Variants in CYB5RL observed in about 807,000 individuals in gnomAD.
CYB5RL encodes the protein cytochrome b5 reductase like.
Under a neutral mutation model 37.5 loss-of-function variants are expected in CYB5RL, and 38 were observed. That is an observed-to-expected ratio of 1.01 (90% CI 0.78 to 1.33). The LOEUF (loss-of-function observed/expected upper bound fraction) is 1.33, where lower values mean the gene tolerates loss of function less well. Among genes scored for constraint, CYB5RL ranks in the 40% most tolerant of loss-of-function variants. The pLI, the probability that CYB5RL is intolerant of heterozygous loss-of-function variation, is 0.00. For synonymous variants in CYB5RL, 141 were observed against 151.9 expected (o/e 0.93, Z 0.53); for missense variants, 388 against 394.4 (o/e 0.98, Z 0.14).
intron 1 of CYB5RL, among the ~76,000 whole-genome samples, chr1:54,197,621 A>C (rs1362509046): frequency 6.6e-6 from 1 of 152,114 alleles, no homozygotes; most frequent in Non-Finnish European, 1.5e-5. Flanking sequence ...CTACGTCTAC[A>C]TGTAGCATAT....
intron 1 of CYB5RL, among the ~76,000 whole-genome samples, chr1:54,197,771 C>T (rs555747611): frequency 1.6e-4 from 25 of 152,106 alleles, no homozygotes; most frequent in Non-Finnish European, 3.2e-4. Flanking sequence ...CCTGTAATCC[C>T]AGCACTTTGG....
At chr1:54,184,909 G>A (rs1223523172) in intron 5 of CYB5RL, 1 of 152,210 alleles carries the variant, frequency 6.6e-6, no homozygotes, top group East Asian at 1.9e-4. Flanking sequence ...CCATCTCCTG[G>A]CTGGATGAAA....
intron 6 of CYB5RL, chr1:54,180,000 C>T (rs909476038): frequency 4.4e-6 from 2 of 453,456 alleles, no homozygotes; most frequent in Non-Finnish European, 8.8e-6. Context: ...AAACCTAGTA[C>T]TTTGGGAGGC....
At chr1:54,190,546 T>A (rs922845989) in intron 4 of CYB5RL, 1 of 672,964 alleles carries the variant, frequency 1.5e-6, no homozygotes, top group Non-Finnish European at 2.5e-6. Context: ...TAAATGCTAT[T>A]AAAGTGATTG....
At chr1:54,176,486 T>C (rs1189793051) in intron 7 of CYB5RL, among the ~76,000 whole-genome samples, 1 of 152,174 alleles carries the variant, frequency 6.6e-6, no homozygotes. Flanking sequence ...GAGTTATGAT[T>C]GCACCACTGC....
chr1:54,182,819 C>T (rs1413248258), intron 6 of CYB5RL, among the ~76,000 whole-genome samples: 3 of 152,222 alleles, frequency 2.0e-5, no homozygotes, highest in Non-Finnish European at 4.4e-5. Context: ...TCCCAAAGTG[C>T]TGGGATTACA....
Position 54,191,024 on chromosome 1 carries a change from CT to C in CYB5RL, c.199-129del, listed in dbSNP as rs1198723736. 3.1e-5 allele frequency: 38 copies of C among 1,226,704 alleles called. No homozygotes were observed. In the East Asian group the frequency reaches 9.2e-4, roughly 30 times the overall value. 76.0% of individuals were successfully genotyped at this position (1,226,704 alleles called of 1,614,324 possible). ...CGGGAAGTTTCCTGTAAACTGGACA[CT>C]AGCCTCACCTTACTTCCCTTTCAAA... On this transcript the variant is annotated intron_variant, in intron 3 of 7. Coordinates refer to ENST00000534324, the MANE Select transcript of CYB5RL (RefSeq NM_001031672.4).
intron 5 of CYB5RL, chr1:54,186,432 G>A (rs1251418425): frequency 6.6e-6 from 1 of 152,194 alleles, no homozygotes; most frequent in Non-Finnish European, 1.5e-5. Context: ...ACTTGGGAGG[G>A]TCAAACGATA....
Position 54,184,199 on chromosome 1 carries a change from G to C in CYB5RL, c.502C>G (p.Arg168Gly), listed in dbSNP as rs903416654. ...TAGAAGAAATCTCCGAAAGGTCCTC[G>C]CCAGAAAGCTGTGTCTCCTACTCTC... is the stretch of plus-strand genomic sequence containing the variant. ...SWRVGDTAFW[R>G]GPFGDFFYKP... The change falls in exon 6 of 8, where the codon CGA (arginine) becomes GGA (glycine). Residue 168 changes from arginine to glycine, a missense_variant. Coordinates refer to ENST00000534324, the MANE Select transcript of CYB5RL (RefSeq NM_001031672.4). 1 of 1,613,498 alleles carries C rather than the reference G, an allele frequency of 6.2e-7. No homozygotes were observed. Among genetic ancestry groups the C allele is most frequent in the African/African-American group, 1.3e-5 (1 of 74,900 alleles).
intron 6 of CYB5RL, 181 bp downstream of exon 6, chr1:54,183,980 T>C (rs751350654): frequency 1.1e-5 from 4 of 376,690 alleles, no homozygotes; most frequent in African/African-American, 4.3e-5. Context: ...CGTCTCTAAA[T>C]AAATAAATAA....
rs1659868157 is a variant in CYB5RL at position 54,170,557 on chromosome 1, G to A, written c.*4062C>T. On this transcript the variant is annotated 3_prime_UTR_variant, in exon 8 of 8. Transcript: ENST00000534324. ...AGCCTCCCGAGTAGCTGGGACTATA[G>A]GCGCATGCCACGCCTGGCTAATTTT... 6.4e-6 allele frequency: 1 copy of A among 156,674 alleles called. No homozygotes were observed. The highest frequency in any genetic ancestry group is 6.1e-5 in the Admixed American group (1 of 16,522). The allele number at this position is 156,674 out of a possible 1,614,324, so 9.7% of individuals were successfully genotyped here. A position where few individuals can be genotyped will look rare whatever the true frequency, so the allele number is the denominator to read the frequency against.
At chr1:54,196,963 T>C (rs1303403200) in intron 1 of CYB5RL, among the ~76,000 whole-genome samples, 2 of 151,990 alleles carry the variant, frequency 1.3e-5, no homozygotes, top group Non-Finnish European at 2.9e-5. Flanking sequence ...ACTGACTAGA[T>C]GTGAGGGAGT....
rs370499414 is a variant in CYB5RL at position 54,195,495 on chromosome 1, T to C, written c.122A>G (p.Tyr41Cys). Residue 41 changes from tyrosine to cysteine, a missense_variant, in exon 3 of 8, where the codon TAT becomes TGT. Physicochemically the swap from Tyr to Cys is radical, Grantham distance 194. Coordinates refer to ENST00000534324, the MANE Select transcript of CYB5RL (RefSeq NM_001031672.4). The part of the protein sequence containing the change: ...SGCSPCVFDL[Y>C]HRDLARWEAA... The stretch of plus-strand genomic sequence containing the variant: ...CTCCCACCTTGCCAGATCTCGGTGA[T>C]AGAGGTCAAACACACAGGGTGAGCA... 7.3e-5 allele frequency: 117 copies of C among 1,613,272 alleles called. No homozygotes were observed. The highest frequency in any genetic ancestry group is 5.1e-4 in the East Asian group (23 of 44,894).
intron 3 of CYB5RL, 129 bp downstream of exon 3, chr1:54,195,290 T>C (rs1180213003): frequency 5.3e-6 from 6 of 1,124,572 alleles, no homozygotes; most frequent in African/African-American, 1.5e-5. Context: ...CTAGATCTGT[T>C]TGCTTCTGTT....
In CYB5RL at chr1:54,174,709, T is replaced by C. The variant is rs1351682614; in HGVS notation, c.858A>G (p.Ala286=). Residue 286 remains alanine, a synonymous_variant, in exon 8 of 8, where the codon GCA becomes GCG. Transcript: ENST00000534324. The part of the protein sequence containing the change: ...LVSCCRRKPF[A]LVCGSAEFTK... ...TGAACTCAGCCGAGCCACAGACCAG[T>C]GCGAATGGCTTTCTCCGACAGCAGC... 1 of 1,613,818 alleles carries C rather than the reference T, an allele frequency of 6.2e-7. No individual in the cohort carries two copies. The highest frequency in any genetic ancestry group is 1.3e-5 in the African/African-American group (1 of 74,924).
chr1:54,175,811 T>A (rs1383642054), intron 7 of CYB5RL, among the ~76,000 whole-genome samples: 2 of 152,236 alleles, frequency 1.3e-5, no homozygotes, highest in Middle Eastern at 3.2e-3. Flanking sequence ...CATGGGAGGA[T>A]GTGCATAGAT....
intron 3 of CYB5RL, among the ~76,000 whole-genome samples, chr1:54,192,896 AG>A (rs1188402092): frequency 3.3e-5 from 5 of 152,110 alleles, no homozygotes; most frequent in African/African-American, 1.2e-4. Context: ...CTGGGACTAC[AG>A]GTGCGTGCCA....
At position 54,195,703 on chromosome 1, in the gene CYB5RL, C is replaced by A. The variant is rs1248974103; in HGVS notation, c.-87G>T. ...TATGAGACCACGGGCGCAGGCCCTG[C>A]TCCTTGGCCAGCCTGGGAGAGGGAA... On this transcript the variant is annotated 5_prime_UTR_variant, in exon 3 of 8. Coordinates refer to ENST00000534324, the MANE Select transcript of CYB5RL (RefSeq NM_001031672.4). The A allele has an allele frequency of 7.6e-6, 11 of 1,440,216 alleles. No homozygotes were observed. The allele number at this position is 1,440,216 out of a possible 1,614,324, so 89.2% of individuals were successfully genotyped here. A position where few individuals can be genotyped will look rare whatever the true frequency, so the allele number is the denominator to read the frequency against.
At chr1:54,190,936 C>G (rs769410763) in intron 3 of CYB5RL, 40 bp from the exon 4 acceptor site, 2 of 1,596,524 alleles carry the variant, frequency 1.3e-6, no homozygotes, top group South Asian at 2.3e-5. Flanking sequence ...GGCCGGGGCT[C>G]CACAGACACA....
Sources: gnomAD v4.1 joint callset for allele counts (sites outside exome capture counted in the v4.1 genomes callset) on GRCh38, gnomAD v4.1.1 for gene constraint, MANE v1.5 for transcripts, NCBI Gene and HGNC (gene_info 2026-07-23, HGNC 2026-07-21) for gene names.